Variants in CDH13 observed in about 807,000 individuals in gnomAD.
CDH13 encodes the protein cadherin-13.
Under a neutral mutation model 63.8 loss-of-function variants are expected in CDH13, and 24 were observed. The observed-to-expected ratio is 0.38, with a 90% CI of 0.27 to 0.53. The LOEUF (loss-of-function observed/expected upper bound fraction) is 0.53. Among genes scored for constraint, CDH13 ranks in the 20% least tolerant of loss-of-function variants. The pLI, the probability that CDH13 is intolerant of heterozygous loss-of-function variation, is 0.85. For missense variants in CDH13, 1,049 were observed against 903.1 expected (o/e 1.16, Z -2.07); for synonymous variants, 503 against 355.3 (o/e 1.42, Z -4.67).
chr16:83,476,778 A>G (rs1037478844), intron 6 of CDH13, among the ~76,000 whole-genome samples: 23 of 152,240 alleles, frequency 1.5e-4, no homozygotes, highest in Admixed American at 6.5e-4. Context: ...AGTTACAATT[A>G]CTTCAGGCTA....
At chr16:83,343,888 A>G (rs1429214159) in intron 5 of CDH13, among the ~76,000 whole-genome samples, 1 of 152,210 alleles carries the variant, frequency 6.6e-6, no homozygotes. Context: ...CAAGTGAGAT[A>G]ATATAGTATA....
intron 2 of CDH13, among the ~76,000 whole-genome samples, chr16:82,968,066 A>G (rs544728773): frequency 3.2e-4 from 48 of 152,238 alleles, no homozygotes; most frequent in Admixed American, 8.5e-4. Context: ...TTGGCATTCT[A>G]TTTTAAGGAA....
chr16:83,502,017 G>C (rs752708017), intron 7 of CDH13, among the ~76,000 whole-genome samples: 7 of 152,072 alleles, frequency 4.6e-5, no homozygotes, highest in Non-Finnish European at 7.4e-5. Context: ...TGTGGCCTTG[G>C]GCAAGTCACC....
intron 6 of CDH13, among the ~76,000 whole-genome samples, chr16:83,390,264 A>G (rs1015939012): frequency 2.0e-5 from 3 of 152,150 alleles, no homozygotes; most frequent in Non-Finnish European, 2.9e-5. Flanking sequence ...CAGTGCTCAG[A>G]GCAGTATCTG....
At chr16:82,946,186 A>AGATG (rs564648455) in intron 2 of CDH13, among the ~76,000 whole-genome samples, 12 of 151,458 alleles carry the variant, frequency 7.9e-5, no homozygotes, top group Middle Eastern at 3.4e-3. Context: ...ATTAATGACT[A>AGATG]GATGGATGGA....
At chr16:82,740,894 C>G (rs774167802) in intron 1 of CDH13, among the ~76,000 whole-genome samples, 1 of 152,070 alleles carries the variant, frequency 6.6e-6, no homozygotes, top group African/African-American at 2.4e-5. Flanking sequence ...ATAATACATT[C>G]GATCACAGCT....
At chr16:82,863,188 C>T (rs2040007420) in intron 2 of CDH13, among the ~76,000 whole-genome samples, 1 of 152,132 alleles carries the variant, frequency 6.6e-6, no homozygotes. Flanking sequence ...ACAAAGGAGC[C>T]AGCTGTCTTG....
At chr16:83,576,198 C>G (rs756779320) in intron 7 of CDH13, among the ~76,000 whole-genome samples, 11 of 152,330 alleles carry the variant, frequency 7.2e-5, no homozygotes, top group Non-Finnish European at 1.3e-4. Flanking sequence ...TAAAAACAAC[C>G]TCCTTTCTGT....
intron 10 of CDH13, among the ~76,000 whole-genome samples, chr16:83,719,091 C>T (rs1909332472): frequency 6.6e-6 from 1 of 152,186 alleles, no homozygotes. Flanking sequence ...ATCATTCTCT[C>T]CTTAAAACCA....
chr16:83,751,306 C>A (rs563761549), intron 11 of CDH13, among the ~76,000 whole-genome samples: 64 of 152,022 alleles, frequency 4.2e-4, no homozygotes, highest in Non-Finnish European at 8.4e-4. Context: ...TTGTGTTTTA[C>A]AAAGATACAC....
At chr16:83,572,958 C>T (rs1182722339) in intron 7 of CDH13, among the ~76,000 whole-genome samples, 1 of 152,282 alleles carries the variant, frequency 6.6e-6, no homozygotes, top group South Asian at 2.1e-4. Context: ...GAAATGTGTA[C>T]AGTACTTACA....
At position 83,032,172 on chromosome 16, in the gene CDH13, C is replaced by T. The variant is rs1597183206; in HGVS notation, c.320C>T (p.Ala107Val). 1 of 1,613,696 alleles carries T rather than the reference C, an allele frequency of 6.2e-7. No homozygotes were observed. Among genetic ancestry groups the T allele is most frequent in the Non-Finnish European group, 8.5e-7 (1 of 1,179,754 alleles). Residue 107 changes from alanine to valine, a missense_variant, in exon 3 of 14, where the codon GCA (alanine) becomes GTA (valine). Transcript: ENST00000567109. Reference sequence around the variant, plus strand: ...CGGACCCCCCATGCGGAAGATATGGCAGAACTCGTGATTGTCGGGGGGAAA... The same window carrying T: ...CGGACCCCCCATGCGGAAGATATGGTAGAACTCGTGATTGTCGGGGGGAAA... ...HARTPHAEDM[A>V]ELVIVGGKDI...
At chr16:83,548,428 C>A (rs2075428827) in intron 7 of CDH13, among the ~76,000 whole-genome samples, 1 of 152,128 alleles carries the variant, frequency 6.6e-6, no homozygotes, top group Non-Finnish European at 1.5e-5. Flanking sequence ...GCCCCTCCCC[C>A]AACAGCAAAG....
intron 11 of CDH13, among the ~76,000 whole-genome samples, chr16:83,773,097 C>G (rs1293936570): frequency 1.3e-5 from 2 of 152,150 alleles, no homozygotes; most frequent in South Asian, 2.1e-4. Context: ...AACCCTTCCA[C>G]AGAGACTGAG....
At chr16:83,213,115 C>T (rs1381649148) in intron 4 of CDH13, among the ~76,000 whole-genome samples, 1 of 152,146 alleles carries the variant, frequency 6.6e-6, no homozygotes, top group Non-Finnish European at 1.5e-5. Context: ...CAGACGTGTG[C>T]AGTGCTAAGC....
At chr16:83,386,538 T>C (rs529575077) in intron 6 of CDH13, among the ~76,000 whole-genome samples, 35 of 152,324 alleles carry the variant, frequency 2.3e-4, no homozygotes, top group South Asian at 1.2e-3. Context: ...GATTTTTCAG[T>C]TCCACCTATA....
chr16:83,365,218 T>A (rs1597839097), intron 6 of CDH13, among the ~76,000 whole-genome samples: 1 of 152,258 alleles, frequency 6.6e-6, no homozygotes, highest in East Asian at 1.9e-4. Flanking sequence ...TCATTTCCAG[T>A]CTAAACGCCA....
chr16:83,453,883 TG>T (rs2072953090), intron 6 of CDH13, among the ~76,000 whole-genome samples: 2 of 152,222 alleles, frequency 1.3e-5, no homozygotes, highest in African/African-American at 4.8e-5. Context: ...TTGTAGTCCA[TG>T]GTCAAAAGCT....
At chr16:83,734,829 T>C (rs1159083542) in intron 10 of CDH13, among the ~76,000 whole-genome samples, 6 of 151,906 alleles carry the variant, frequency 3.9e-5, no homozygotes, top group Non-Finnish European at 7.4e-5. Context: ...GCAATCCTGA[T>C]GGATGAGGGG....
Sources: allele counts gnomAD v4.1 joint callset (sites outside exome capture counted in the v4.1 genomes callset), GRCh38; gene constraint gnomAD v4.1.1; transcripts MANE v1.5; gene names NCBI Gene and HGNC (gene_info 2026-07-23, HGNC 2026-07-21).